The following KMT2C variants were observed in gnomAD, a reference collection of about 807,000 sequenced individuals.
The protein encoded by KMT2C is histone-lysine N-methyltransferase 2C.
In KMT2C, 88 loss-of-function variants were observed where a neutral mutation model predicts 507.9. The observed-to-expected ratio is 0.17, with a 90% CI of 0.15 to 0.21. The LOEUF (loss-of-function observed/expected upper bound fraction) is 0.21, where lower values mean the gene tolerates loss of function less well. Ranked by LOEUF, KMT2C falls within the 10% of genes least tolerant of loss-of-function variation. The pLI is 1.00. For missense variants in KMT2C, 4,954 were observed against 5,957.8 expected, an observed-to-expected ratio of 0.83 and a Z score of 5.55; for synonymous variants, 2,049 against 2,080.8, an observed-to-expected ratio of 0.98 and a Z score of 0.42.
At chr7:152,224,372 C>T (rs2094866844) in intron 19 of KMT2C, 63 bp downstream of exon 19, 2 of 1,533,024 alleles carry the variant, frequency 1.3e-6, no homozygotes, top group Non-Finnish European at 1.8e-6. Flanking sequence ...TTTTTAAAAA[C>T]CAAAGTGGTA....
chr7:152,194,777 T>C (rs879820673), intron 28 of KMT2C, among the ~76,000 whole-genome samples: 1 of 151,880 alleles, frequency 6.6e-6, no homozygotes, highest in Non-Finnish European at 1.5e-5. Context: ...CCATGTAAAG[T>C]TCTATTTCAA....
Position 152,392,539 on chromosome 7 carries a change from G to A in KMT2C, c.162-33864C>T, listed in dbSNP as rs558090584. Among the ~76,000 whole-genome samples the A allele has an allele frequency of 8.5e-5, 13 of 152,294 alleles. 2 individuals carry two copies. Among genetic ancestry groups the A allele is most frequent in the African/African-American group, 2.6e-4 (11 of 41,576 alleles). On this transcript the variant is annotated intron_variant, in intron 1 of 58. Transcript: ENST00000262189. ...CTCATATCCCCTTCAGTGTCTTAAA[G>A]GCACTGTGCTCAGCATTCCACATGC... is the stretch of plus-strand genomic sequence containing the variant.
intron 6 of KMT2C, among the ~76,000 whole-genome samples, chr7:152,299,249 C>T (rs1416093718): frequency 2.0e-5 from 3 of 151,828 alleles, no homozygotes; most frequent in South Asian, 4.2e-4. Flanking sequence ...ACCCAGGAGG[C>T]GGAGACTACA....
intron 1 of KMT2C, among the ~76,000 whole-genome samples, chr7:152,363,171 TTCA>T (rs2097210504): frequency 6.6e-6 from 1 of 152,198 alleles, no homozygotes; most frequent in South Asian, 2.1e-4. Context: ...TATTTCCAGT[TTCA>T]GTTTTTAAGG....
At chr7:152,195,203 T>C (rs1025936149) in intron 28 of KMT2C, among the ~76,000 whole-genome samples, 4 of 152,278 alleles carry the variant, frequency 2.6e-5, no homozygotes, top group African/African-American at 4.8e-5. Flanking sequence ...ATTATTACTA[T>C]TAAAAAGTAA....
chr7:152,157,211 C>T lies in KMT2C; in HGVS notation c.11671-865G>A, dbSNP rs2092113111. On this transcript the variant is annotated intron_variant, in intron 44 of 58. Transcript: ENST00000262189. ...GGTGTGGTGGTGCATGCCTGTAGTC[C>T]CAGCTACTTGGTAGGTTGAGGCACT... 2.0e-5 allele frequency among the ~76,000 whole-genome samples: 3 copies of T among 150,990 alleles called. No individual in the cohort carries two copies. The South Asian group carries it at 6.3e-4, about 31-fold the overall frequency.
rs1563584939 is a variant in KMT2C, at chr7:152,250,826, CAG to C, written c.1735+25_1735+26del. 5 of 1,193,090 alleles carry C rather than the reference CAG, an allele frequency of 4.2e-6. No individual in the cohort carries two copies. The Admixed American group carries it at 5.5e-5, about 13-fold the overall frequency. The allele number at this position is 1,193,090 out of a possible 1,614,324, so 73.9% of individuals were successfully genotyped here. A position where few individuals can be genotyped will look rare whatever the true frequency, so the allele number is the denominator to read the frequency against. On this transcript the variant is annotated intron_variant, in intron 12 of 58. Transcript: ENST00000262189. ...TGTATATACACATTTTCTTCAAAAA[CAG>C]AGTATATCCATTAAACATTCTTACC...
intron 1 of KMT2C, among the ~76,000 whole-genome samples, chr7:152,380,869 G>C (rs963622949): frequency 3.3e-5 from 5 of 152,084 alleles, no homozygotes; most frequent in East Asian, 1.9e-4. Context: ...ATGTTCAAAA[G>C]GGAACAAATA....
chr7:152,294,171 C>T (rs1182557905), intron 6 of KMT2C, among the ~76,000 whole-genome samples: 1 of 152,054 alleles, frequency 6.6e-6, no homozygotes, highest in African/African-American at 2.4e-5. Context: ...TGCCCAGCCA[C>T]ATCAATTTTT....
intron 9 of KMT2C, among the ~76,000 whole-genome samples, chr7:152,260,466 T>C (rs1409097855): frequency 3.3e-5 from 5 of 152,112 alleles, no homozygotes; most frequent in Non-Finnish European, 7.4e-5. Context: ...AAGAAGGTAA[T>C]TTTTTAAGTA....
chr7:152,332,660 A>G (rs1399766437), intron 2 of KMT2C, among the ~76,000 whole-genome samples: 1 of 152,132 alleles, frequency 6.6e-6, no homozygotes, highest in Admixed American at 6.5e-5. Flanking sequence ...AGCCTGACCA[A>G]CAACATGGTG....
intron 1 of KMT2C, among the ~76,000 whole-genome samples, chr7:152,409,028 C>T (rs2097653186): frequency 6.6e-6 from 1 of 151,548 alleles, no homozygotes; most frequent in Admixed American, 6.6e-5. Flanking sequence ...CCCTCTGTTA[C>T]CCAGGCTTAG....
chr7:152,258,436 C>G (rs2095698811), intron 9 of KMT2C, among the ~76,000 whole-genome samples: 1 of 152,116 alleles, frequency 6.6e-6, no homozygotes, highest in South Asian at 2.1e-4. Context: ...AGTGCTAGAG[C>G]TGGAAATGCA....
At position 152,221,287 on chromosome 7, in the gene KMT2C, T is replaced by C. The variant is rs547841335; in HGVS notation, c.3500-552A>G. Among the ~76,000 whole-genome samples, 6 of 152,276 alleles carry C rather than the reference T, an allele frequency of 3.9e-5. No individual in the cohort carries two copies. The East Asian group carries it at 7.7e-4, about 20-fold the overall frequency. On this transcript the variant is annotated intron_variant, in intron 22 of 58. Coordinates refer to ENST00000262189, the MANE Select transcript of KMT2C (RefSeq NM_170606.3). ...AGTCTTCCTGGAATTTCTATTTTCA[T>C]GTCCCAATAAAAAGAGTTAGAAGCA...
intron 1 of KMT2C, among the ~76,000 whole-genome samples, chr7:152,434,276 C>T (rs540413645): frequency 1.3e-5 from 2 of 152,210 alleles, no homozygotes; most frequent in African/African-American, 4.8e-5. Flanking sequence ...TACTTGCTTC[C>T]CTCACGATTA....
chr7:152,432,787 A>G (rs2097875559), intron 1 of KMT2C, among the ~76,000 whole-genome samples: 1 of 152,228 alleles, frequency 6.6e-6, no homozygotes, highest in East Asian at 1.9e-4. Context: ...ACTTGAGGAA[A>G]GTGTAATTGG....
chr7:152,154,858 A>T (rs1387860369), intron 46 of KMT2C: 1 of 160,070 alleles, frequency 6.2e-6, no homozygotes, highest in Non-Finnish European at 1.4e-5. Context: ...AAGACAAAAA[A>T]AAAAGGAAAG....
Position 152,175,209 on chromosome 7 carries a change from G to A in KMT2C, c.9263-967C>T, listed in dbSNP as rs1032658072. Among the ~76,000 whole-genome samples the A allele has an allele frequency of 2.8e-4, 43 of 151,064 alleles. 1 individual carries two copies. The highest frequency in any genetic ancestry group is 9.2e-4 in the African/African-American group (38 of 41,110). On this transcript the variant is annotated intron_variant, in intron 38 of 58. Coordinates refer to ENST00000262189, the MANE Select transcript of KMT2C (RefSeq NM_170606.3). ...CCCCCAGGCTGGAGTGCAATGGTGC[G>A]ATCTCGCCTCACTGCAACTTCCGCC... is the stretch of plus-strand genomic sequence containing the variant.
At chr7:152,370,553 G>A (rs1418679504) in intron 1 of KMT2C, among the ~76,000 whole-genome samples, 2 of 152,116 alleles carry the variant, frequency 1.3e-5, no homozygotes, top group South Asian at 2.1e-4. Flanking sequence ...GGCAAAGACA[G>A]TACAAAGAAG....
Sources: gnomAD v4.1 joint callset for allele counts (sites outside exome capture counted in the v4.1 genomes callset) on GRCh38, gnomAD v4.1.1 for gene constraint, MANE v1.5 for transcripts, NCBI Gene and HGNC (gene_info 2026-07-23, HGNC 2026-07-21) for gene names.